SCAP: variants seen among roughly 807,000 people sequenced by gnomAD.
SCAP encodes sterol regulatory element-binding protein cleavage-activating protein.
SCAP carries 65 observed loss-of-function variants against 123.6 expected under a neutral mutation model. The observed-to-expected ratio is 0.53, with a 90% CI of 0.43 to 0.65. The LOEUF is 0.65. Ranked by LOEUF, SCAP falls within the 30% of genes least tolerant of loss-of-function variation. The pLI is 0.00. For synonymous variants in SCAP, 740 were observed against 726.3 expected (o/e 1.02, Z -0.30); for missense variants, 1,398 against 1,712.5 (o/e 0.82, Z 3.24).
chr3:47,456,253 T>C (rs1707421064), intron 1 of SCAP, among the ~76,000 whole-genome samples: 1 of 151,840 alleles, frequency 6.6e-6, no homozygotes, highest in African/African-American at 2.4e-5. Flanking sequence ...AGTACAAAAA[T>C]TAGCTGGGCA....
chr3:47,463,804 A>C (rs1389443488), intron 1 of SCAP, among the ~76,000 whole-genome samples: 1 of 152,150 alleles, frequency 6.6e-6, no homozygotes, highest in Non-Finnish European at 1.5e-5. Context: ...CCTAGGAAGA[A>C]TTCAATAAGC....
chr3:47,432,472 C>G (rs1239660439), intron 3 of SCAP, among the ~76,000 whole-genome samples: 1 of 152,054 alleles, frequency 6.6e-6, no homozygotes, highest in African/African-American at 2.4e-5. Context: ...TCTTCTCTTT[C>G]CAAACAGTAT....
At chr3:47,454,747 A>T (rs1707353178) in intron 1 of SCAP, among the ~76,000 whole-genome samples, 1 of 151,928 alleles carries the variant, frequency 6.6e-6, no homozygotes, top group Non-Finnish European at 1.5e-5. Flanking sequence ...CTGTCTCAAA[A>T]AATAATAATA....
At position 47,421,226 on chromosome 3, in the gene SCAP, G is replaced by A. The variant is rs1705885397; in HGVS notation, c.1246-197C>T. 4.9e-6 allele frequency: 3 copies of A among 612,666 alleles called. No individual in the cohort carries two copies. In the East Asian group the frequency reaches 8.4e-5, roughly 17 times the overall value. 38.0% of individuals were successfully genotyped at this position (612,666 alleles called of 1,614,324 possible). ...ACCCCGTCTCCACCAGGGGGCAGAA[G>A]AAACCCTCACACTTTCTTCAGAAAG... On this transcript the variant is annotated intron_variant, in intron 10 of 22. Transcript: ENST00000265565.
chr3:47,462,695 G>A (rs1248694430), intron 1 of SCAP, among the ~76,000 whole-genome samples: 1 of 147,500 alleles, frequency 6.8e-6, no homozygotes, highest in Non-Finnish European at 1.5e-5. Flanking sequence ...GGAGGTTGCA[G>A]TGAGCCAAGA....
intron 1 of SCAP, among the ~76,000 whole-genome samples, chr3:47,465,363 G>T (rs967592011): frequency 6.6e-6 from 1 of 152,032 alleles, no homozygotes; most frequent in African/African-American, 2.4e-5. Flanking sequence ...TAGAGACAGG[G>T]TTTCACCATG....
chr3:47,444,451 G>A (rs970364725), intron 1 of SCAP, among the ~76,000 whole-genome samples: 5 of 152,140 alleles, frequency 3.3e-5, no homozygotes, highest in African/African-American at 7.2e-5. Flanking sequence ...AGCGTTAAGC[G>A]CACATGCAAG....
chr3:47,417,490 G>C lies in SCAP; in HGVS notation c.2784C>G (p.Val928=). 6.4e-7 allele frequency: 1 copy of C among 1,551,218 alleles called. No homozygotes were observed. Among genetic ancestry groups the C allele is most frequent in the Non-Finnish European group, 8.7e-7 (1 of 1,148,004 alleles). ...AGGGTGGGCGCAGGGCTGGTGTGCA[G>C]ACGGCCGCCAGCCCCTCCTCCTGGT... ...RVYQEEGLAA[V]CTPALRPPSP... The change falls in exon 17 of 23, where the codon GTC becomes GTG. Residue 928 remains valine, a synonymous_variant. Transcript: ENST00000265565.
intron 1 of SCAP, among the ~76,000 whole-genome samples, chr3:47,445,497 G>A (rs1317095981): frequency 3.3e-5 from 5 of 150,324 alleles, no homozygotes; most frequent in Non-Finnish European, 4.5e-5. Flanking sequence ...CCACCGCCTC[G>A]GCCTCCCAAA....
At chr3:47,429,433 G>C (rs1243548868) in intron 3 of SCAP, among the ~76,000 whole-genome samples, 1 of 152,166 alleles carries the variant, frequency 6.6e-6, no homozygotes, top group Non-Finnish European at 1.5e-5. Context: ...CAATCTCCCA[G>C]GCTCAAGAGA....
chr3:47,476,488 C>T (rs1028131770), upstream of SCAP, among the ~76,000 whole-genome samples: 1 of 152,070 alleles, frequency 6.6e-6, no homozygotes, highest in Non-Finnish European at 1.5e-5. Context: ...GCAGCTGGGC[C>T]GAGATACACT....
At chr3:47,440,568 A>C (rs1168406770) in intron 2 of SCAP, among the ~76,000 whole-genome samples, 2 of 152,184 alleles carry the variant, frequency 1.3e-5, no homozygotes, top group Non-Finnish European at 2.9e-5. Context: ...AGTACACAGC[A>C]CTAAGAATGT....
intron 1 of SCAP, among the ~76,000 whole-genome samples, chr3:47,465,099 A>C (rs182893288): frequency 1.3e-5 from 2 of 152,338 alleles, no homozygotes; most frequent in East Asian, 3.9e-4. Flanking sequence ...TTGCTGAAAC[A>C]AATTAAAGAC....
chr3:47,415,237 T>TCTAA, intron 18 of SCAP, 57 bp from the exon 19 acceptor site: 1 of 1,510,914 alleles, frequency 6.6e-7, no homozygotes, highest in Non-Finnish European at 8.9e-7. Flanking sequence ...GCCCTGGGGC[T>TCTAA]GAGCATGTGG....
chr3:47,475,325 G>C (rs1380572832), intron 1 of SCAP: 1 of 152,268 alleles, frequency 6.6e-6, no homozygotes, highest in African/African-American at 2.4e-5. Context: ...GCAAAGTTGA[G>C]GTTTAAGCAA....
chr3:47,471,788 A>G (rs1444090139), intron 1 of SCAP, among the ~76,000 whole-genome samples: 1 of 152,208 alleles, frequency 6.6e-6, no homozygotes, highest in South Asian at 2.1e-4. Flanking sequence ...CTCCCAATAC[A>G]TGTACACTTA....
Position 47,417,705 on chromosome 3 carries a change from G to A in SCAP, c.2569C>T (p.Arg857Cys), listed in dbSNP as rs151151424. ...EPGDSPPLRHRPRGPPPPSLF... is the reference protein window; with the variant it reads ...EPGDSPPLRHCPRGPPPPSLF... Reference sequence around the variant, plus strand: ...GAAGGCGGCGGAGGGCCCCGGGGGCGGTGTCTCAGGGGAGGGCTGTCCCCA... The same window carrying A: ...GAAGGCGGCGGAGGGCCCCGGGGGCAGTGTCTCAGGGGAGGGCTGTCCCCA... The change falls in exon 17 of 23, where the codon CGC becomes TGC. Residue 857 changes from arginine (R) to cysteine (C), a missense_variant. Arg to Cys is a radical substitution (Grantham distance 180). This residue lies in a region of SCAP where 828 missense variants were observed against 882.5 expected (regional missense o/e 0.94). Transcript: ENST00000265565. 1,612 of 1,608,388 alleles carry A rather than the reference G, an allele frequency of 1.0e-3. 2 individuals carry two copies. The highest frequency in any genetic ancestry group is 1.2e-3 in the Non-Finnish European group (1,453 of 1,178,744).
intron 1 of SCAP, among the ~76,000 whole-genome samples, chr3:47,470,138 G>A (rs1400796414): frequency 6.6e-6 from 1 of 152,102 alleles, no homozygotes; most frequent in Non-Finnish European, 1.5e-5. Context: ...AGATTAAGTT[G>A]GTCAGCTTAC....
chr3:47,422,740 G>A (rs1705959520), intron 9 of SCAP: 1 of 503,044 alleles, frequency 2.0e-6, no homozygotes, highest in Non-Finnish European at 3.6e-6. Flanking sequence ...AGCTGCTACG[G>A]GGAACGGGTG....
Sources: gnomAD v4.1 joint callset for allele counts (sites outside exome capture counted in the v4.1 genomes callset) on GRCh38, gnomAD v4.1.1 for gene constraint, gnomAD v4.1.1 regional missense constraint, MANE v1.5 for transcripts, NCBI Gene and HGNC (gene_info 2026-07-23, HGNC 2026-07-21) for gene names.